Variants in PTPRJ observed in about 807,000 individuals in gnomAD.
The protein encoded by PTPRJ is receptor-type tyrosine-protein phosphatase eta.
A neutral mutation model predicts 141.3 loss-of-function variants in PTPRJ; 129 were observed. That is an observed-to-expected ratio of 0.91 (90% CI 0.79 to 1.06). The LOEUF is 1.06. Ranked by LOEUF, PTPRJ falls within the 50% of genes least tolerant of loss-of-function variation. The pLI is 0.00. For synonymous variants in PTPRJ, 610 were observed against 640.5 expected (o/e 0.95, Z 0.72); for missense variants, 1,601 against 1,679.7 (o/e 0.95, Z 0.82).
At chr11:48,087,514 A>T (rs1855747857) in intron 1 of PTPRJ, among the ~76,000 whole-genome samples, 1 of 152,210 alleles carries the variant, frequency 6.6e-6, no homozygotes, top group African/African-American at 2.4e-5. Flanking sequence ...GTAAAATCCC[A>T]AACCCAGGTA....
At chr11:48,090,725 T>G (rs1291736317) in intron 1 of PTPRJ, among the ~76,000 whole-genome samples, 1 of 152,076 alleles carries the variant, frequency 6.6e-6, no homozygotes, top group Non-Finnish European at 1.5e-5. Context: ...AGGCCAGGAG[T>G]GTACCTTTCC....
chr11:48,082,410 A>ATTTT (rs386373791), intron 1 of PTPRJ, among the ~76,000 whole-genome samples: 44 of 125,240 alleles, frequency 3.5e-4, no homozygotes, highest in African/African-American at 5.6e-4. Flanking sequence ...TACCTGGCAA[A>ATTTT]TTTTTTTTTT....
chr11:48,108,680 T>TCTCTCC (rs1266484535), intron 1 of PTPRJ, among the ~76,000 whole-genome samples: 1 of 152,172 alleles, frequency 6.6e-6, no homozygotes, highest in Non-Finnish European at 1.5e-5. Context: ...TTTTTCTGCC[T>TCTCTCC]CTCTCCTATG....
chr11:48,145,456 T>C (rs1590555732), intron 14 of PTPRJ, among the ~76,000 whole-genome samples: 1 of 152,326 alleles, frequency 6.6e-6, no homozygotes, highest in South Asian at 2.1e-4. Context: ...AATCCTTAAA[T>C]AGTAGAATCA....
chr11:47,997,618 G>A (rs1411722945), intron 1 of PTPRJ, among the ~76,000 whole-genome samples: 2 of 152,094 alleles, frequency 1.3e-5, no homozygotes, highest in African/African-American at 4.8e-5. Flanking sequence ...TTTCCTGTCT[G>A]GGTGGGAAAG....
Position 48,163,564 on chromosome 11 carries a change from T to C in PTPRJ, c.3665T>C (p.Val1222Ala), listed in dbSNP as rs373507090. The C allele has an allele frequency of 1.2e-6, 2 of 1,613,966 alleles. No homozygotes were observed. The highest frequency in any genetic ancestry group is 1.7e-6 in the Non-Finnish European group (2 of 1,179,904). ...CTGCTCATCAACTTCCGGTACCTCG[T>C]TCGTGACTACATGAAGCAGAGTCCT... Reference protein sequence around the residue: ...TDLLINFRYLVRDYMKQSPPE... With the variant: ...TDLLINFRYLARDYMKQSPPE... Residue 1222 changes from valine to alanine, a missense_variant, in exon 23 of 25, where the codon GTT (valine) becomes GCT (alanine). Val to Ala is a moderately conservative substitution (Grantham distance 64). Coordinates refer to ENST00000418331, the MANE Select transcript of PTPRJ (RefSeq NM_002843.4).
chr11:48,167,105 G>T (rs1183183394), intron 24 of PTPRJ, 99 bp from the exon 25 acceptor site: 2 of 1,133,326 alleles, frequency 1.8e-6, no homozygotes, highest in Non-Finnish European at 1.3e-6. Context: ...ATGGGGTTTG[G>T]GAGTTGGGCG....
intron 3 of PTPRJ, among the ~76,000 whole-genome samples, chr11:48,114,363 AG>A (rs1856511028): frequency 7.8e-6 from 1 of 128,408 alleles, no homozygotes; most frequent in Non-Finnish European, 1.6e-5. Flanking sequence ...GCTTGAACCC[AG>A]GAGGCAGAGG....
chr11:48,024,424 C>G (rs1313912236), intron 1 of PTPRJ, among the ~76,000 whole-genome samples: 1 of 152,226 alleles, frequency 6.6e-6, no homozygotes, highest in Non-Finnish European at 1.5e-5. Context: ...TCTCGAACTC[C>G]TGACCTCAAG....
intron 1 of PTPRJ, among the ~76,000 whole-genome samples, chr11:48,069,822 C>G (rs1350750110): frequency 6.6e-6 from 1 of 152,182 alleles, no homozygotes; most frequent in Non-Finnish European, 1.5e-5. Flanking sequence ...CTGTATAATA[C>G]TTATTTTGGT....
intron 1 of PTPRJ, among the ~76,000 whole-genome samples, chr11:48,005,082 CATG>C (rs145796498): frequency 0.068 from 10,327 of 151,948 alleles, 966 homozygotes; most frequent in African/African-American, 0.21. Context: ...ATTAGCCAGG[CATG>C]GTGGTGGGTG....
intron 1 of PTPRJ, among the ~76,000 whole-genome samples, chr11:48,063,107 C>T (rs921533668): frequency 4.6e-5 from 7 of 152,168 alleles, no homozygotes; most frequent in Non-Finnish European, 7.3e-5. Flanking sequence ...GTGGGTGGAT[C>T]ACCTGAGGTC....
intron 1 of PTPRJ, among the ~76,000 whole-genome samples, chr11:48,101,203 A>G (rs569268289): frequency 2.0e-5 from 3 of 152,324 alleles, no homozygotes; most frequent in African/African-American, 7.2e-5. Context: ...TGACAGGTGA[A>G]AAAATGCAAG....
intron 1 of PTPRJ, among the ~76,000 whole-genome samples, chr11:48,055,958 A>C (rs765716811): frequency 2.0e-5 from 3 of 152,170 alleles, no homozygotes; most frequent in Non-Finnish European, 4.4e-5. Context: ...GTCAATATAC[A>C]AGGTGTTCTC....
chr11:48,047,042 A>G (rs1854424967), intron 1 of PTPRJ, among the ~76,000 whole-genome samples: 1 of 150,056 alleles, frequency 6.7e-6, no homozygotes, highest in African/African-American at 2.5e-5. Context: ...CAGCCTCCTG[A>G]GTAGCTGGGA....
intron 1 of PTPRJ, among the ~76,000 whole-genome samples, chr11:48,030,713 A>C (rs1357226068): frequency 4.6e-5 from 7 of 152,184 alleles, no homozygotes; most frequent in African/African-American, 1.7e-4. Context: ...ACTGCACTGC[A>C]GCCTGGGCAA....
At chr11:48,080,936 A>G (rs1232876433) in intron 1 of PTPRJ, among the ~76,000 whole-genome samples, 1 of 152,236 alleles carries the variant, frequency 6.6e-6, no homozygotes, top group Non-Finnish European at 1.5e-5. Context: ...CTGAGCGAAT[A>G]AAAGAATGAA....
At chr11:48,072,941 TA>T (rs979008347) in intron 1 of PTPRJ, among the ~76,000 whole-genome samples, 2 of 152,100 alleles carry the variant, frequency 1.3e-5, no homozygotes, top group African/African-American at 2.4e-5. Flanking sequence ...TCAATTTAAA[TA>T]AAAAAATAGA....
chr11:48,143,144 A>G (rs1857274464), intron 12 of PTPRJ, 94 bp downstream of exon 12: 2 of 1,481,138 alleles, frequency 1.4e-6, no homozygotes, highest in Admixed American at 3.8e-5. Context: ...TAATGCAGAC[A>G]CACGCCTGTC....
Sources: allele counts gnomAD v4.1 joint callset (sites outside exome capture counted in the v4.1 genomes callset), GRCh38; gene constraint gnomAD v4.1.1; transcripts MANE v1.5; gene names NCBI Gene and HGNC (gene_info 2026-07-23, HGNC 2026-07-21).